Variants in CBL observed in about 807,000 individuals in gnomAD.
CBL encodes Cbl proto-oncogene.
Under a neutral mutation model 96.9 loss-of-function variants are expected in CBL, and 45 were observed. That is an observed-to-expected ratio of 0.46 (90% CI 0.37 to 0.60). CBL has a LOEUF of 0.60. Ranked by LOEUF, CBL falls within the 20% of genes least tolerant of loss-of-function variation. The pLI, the probability that CBL is intolerant of heterozygous loss-of-function variation, is 0.00. For synonymous variants in CBL, 420 were observed against 426.8 expected, an observed-to-expected ratio of 0.98 and a Z score of 0.20; for missense variants, 1,024 against 1,143.5, an observed-to-expected ratio of 0.90 and a Z score of 1.51.
At chr11:119,229,315 G>A (rs901160515) in intron 1 of CBL, among the ~76,000 whole-genome samples, 4 of 152,134 alleles carry the variant, frequency 2.6e-5, no homozygotes, top group Non-Finnish European at 5.9e-5. Flanking sequence ...TATCTTCCGA[G>A]GTGGAGTCTT....
At position 119,300,632 on chromosome 11, in the gene CBL, C is replaced by T; in HGVS notation, c.*851C>T. On this transcript the variant is annotated 3_prime_UTR_variant, in exon 16 of 16. Transcript: ENST00000264033. ...CACTGTTTCTATAGGAACATTGAAG[C>T]TATTAAGATGTTTTGATTATCCTAA... The T allele has an allele frequency of 2.5e-6, 1 of 398,996 alleles. No individual in the cohort carries two copies. The highest frequency in any genetic ancestry group is 4.4e-6 in the Non-Finnish European group (1 of 226,046). The allele number at this position is 398,996 out of a possible 1,614,324, so 24.7% of individuals were successfully genotyped here. A position where few individuals can be genotyped will look rare whatever the true frequency, so the allele number is the denominator to read the frequency against.
intron 9 of CBL, 36 bp downstream of exon 9, chr11:119,278,749 T>C (rs1157762622): frequency 1.3e-6 from 2 of 1,546,440 alleles, no homozygotes; most frequent in Non-Finnish European, 1.8e-6. Context: ...CAAAATCCAT[T>C]GTGAGTTGTC....
At chr11:119,297,209 T>C (rs1027696361) in intron 13 of CBL, among the ~76,000 whole-genome samples, 175 bp downstream of exon 13, 1 of 152,234 alleles carries the variant, frequency 6.6e-6, no homozygotes, top group African/African-American at 2.4e-5. Context: ...GTAATTACAC[T>C]TATGTTTTCT....
intron 1 of CBL, among the ~76,000 whole-genome samples, chr11:119,220,642 A>G (rs1030702277): frequency 1.3e-5 from 2 of 152,208 alleles, no homozygotes; most frequent in Admixed American, 6.6e-5. Flanking sequence ...TGCATGGTTA[A>G]GTTTTCAGAG....
chr11:119,247,181 T>G (rs139695334), intron 2 of CBL, among the ~76,000 whole-genome samples: 202 of 152,308 alleles, frequency 1.3e-3, no homozygotes, highest in Non-Finnish European at 2.3e-3. Flanking sequence ...TTCTTTCAAG[T>G]AAAAATGATG....
chr11:119,223,844 C>T (rs1483802493), intron 1 of CBL, among the ~76,000 whole-genome samples: 2 of 152,212 alleles, frequency 1.3e-5, no homozygotes, highest in East Asian at 3.9e-4. Context: ...CCAGGCTGGT[C>T]TCGATCTCCT....
intron 1 of CBL, among the ~76,000 whole-genome samples, chr11:119,207,046 G>A (rs1949275522): frequency 6.6e-6 from 1 of 152,132 alleles, no homozygotes; most frequent in South Asian, 2.1e-4. Context: ...GGCTGGGTGA[G>A]ATCTGACTAG....
chr11:119,298,585 G>T (rs1591270698), intron 15 of CBL, 45 bp downstream of exon 15: 2 of 1,536,204 alleles, frequency 1.3e-6, no homozygotes, highest in African/African-American at 2.7e-5. Flanking sequence ...TGGCAGTGTG[G>T]CCTGTATGTT....
chr11:119,274,734 T>C, intron 4 of CBL, 98 bp from the exon 5 acceptor site: 1 of 1,145,656 alleles, frequency 8.7e-7, no homozygotes, highest in African/African-American at 1.5e-5. Context: ...TTTCTGACAA[T>C]GAACTGAGAG....
chr11:119,264,287 G>A (rs1949778292), intron 2 of CBL, among the ~76,000 whole-genome samples: 1 of 151,160 alleles, frequency 6.6e-6, no homozygotes, highest in Non-Finnish European at 1.5e-5. Context: ...GAAACTCCTG[G>A]CCTTCAGCCA....
chr11:119,255,841 A>G (rs1403988612), intron 2 of CBL, among the ~76,000 whole-genome samples: 1 of 151,838 alleles, frequency 6.6e-6, no homozygotes, highest in East Asian at 1.9e-4. Context: ...TACCTATTCT[A>G]TTTAATGGTT....
intron 2 of CBL, among the ~76,000 whole-genome samples, chr11:119,252,930 A>G (rs140008323): frequency 6.6e-6 from 1 of 151,778 alleles, no homozygotes; most frequent in African/African-American, 2.4e-5. Flanking sequence ...CACTAGGTTG[A>G]GGTTTTATAA....
intron 11 of CBL, among the ~76,000 whole-genome samples, chr11:119,286,013 A>G (rs1183908501): frequency 1.3e-5 from 2 of 152,184 alleles, no homozygotes; most frequent in Non-Finnish European, 2.9e-5. Context: ...CCCTCAAGAA[A>G]TATGGCTGGG....
intron 6 of CBL, 47 bp downstream of exon 6, chr11:119,276,181 G>C (rs774678308): frequency 9.3e-5 from 148 of 1,591,966 alleles, no homozygotes; most frequent in Non-Finnish European, 1.2e-4. Flanking sequence ...GAACTTAGGG[G>C]CTGTCCAACC....
intron 1 of CBL, among the ~76,000 whole-genome samples, chr11:119,221,327 G>A (rs552027124): frequency 3.3e-5 from 5 of 151,866 alleles, no homozygotes; most frequent in East Asian, 1.9e-4. Flanking sequence ...TGAGGTGGGC[G>A]GATTGCTTGA....
At chr11:119,261,023 A>T (rs1397750456) in intron 2 of CBL, among the ~76,000 whole-genome samples, 4 of 138,460 alleles carry the variant, frequency 2.9e-5, no homozygotes, top group Admixed American at 7.7e-5. Flanking sequence ...AGCGATTCTG[A>T]TGCCTCAGCT....
At chr11:119,285,161 C>T (rs751235979) in intron 10 of CBL, 28 bp from the exon 11 acceptor site, 2 of 1,614,166 alleles carry the variant, frequency 1.2e-6, no homozygotes, top group Non-Finnish European at 1.7e-6. Flanking sequence ...TGGGTTTTTA[C>T]TGATTTGCTT....
chr11:119,266,806 G>C (rs1210225761), intron 2 of CBL, among the ~76,000 whole-genome samples: 1 of 152,178 alleles, frequency 6.6e-6, no homozygotes, highest in Non-Finnish European at 1.5e-5. Flanking sequence ...TCAGCACTGT[G>C]TTACTGGGTT....
At chr11:119,266,167 G>A (rs1230242829) in intron 2 of CBL, among the ~76,000 whole-genome samples, 3 of 152,038 alleles carry the variant, frequency 2.0e-5, no homozygotes, top group Admixed American at 6.5e-5. Context: ...TAATAAATGC[G>A]TCTTTAATAG....
Sources: gnomAD v4.1 joint callset for allele counts (sites outside exome capture counted in the v4.1 genomes callset) on GRCh38, gnomAD v4.1.1 for gene constraint, MANE v1.5 for transcripts, NCBI Gene and HGNC (gene_info 2026-07-23, HGNC 2026-07-21) for gene names.